ARHGAP32: variants seen among roughly 807,000 people sequenced by gnomAD.
ARHGAP32 encodes Rho GTPase activating protein 32, also known as rho GTPase-activating protein 32.
Under a neutral mutation model 186.5 loss-of-function variants are expected in ARHGAP32, and 51 were observed. That is an observed-to-expected ratio of 0.27 (90% CI 0.22 to 0.35). ARHGAP32 has a LOEUF of 0.35. ARHGAP32 is among the 10% of genes least tolerant of loss of function. ARHGAP32 has a pLI of 1.00. For missense variants in ARHGAP32, 2,186 were observed against 2,623.5 expected (o/e 0.83, Z 3.64); for synonymous variants, 950 against 964.3 (o/e 0.99, Z 0.27).
chr11:129,076,414 T>A (rs1941045559), intron 6 of ARHGAP32, among the ~76,000 whole-genome samples: 1 of 152,184 alleles, frequency 6.6e-6, no homozygotes, highest in African/African-American at 2.4e-5. Context: ...TCTCTTGGGG[T>A]CTGGATCAGG....
intron 2 of ARHGAP32, among the ~76,000 whole-genome samples, chr11:129,156,174 G>C (rs1343480398): frequency 6.6e-6 from 1 of 152,198 alleles, no homozygotes; most frequent in East Asian, 1.9e-4. Context: ...CATTTGGGCA[G>C]ACACCGAGCT....
chr11:129,086,714 A>G (rs674773), intron 6 of ARHGAP32, among the ~76,000 whole-genome samples: 118,078 of 151,266 alleles, frequency 0.78, 46,839 homozygotes, highest in African/African-American at 0.92. Context: ...CCAGCTACTC[A>G]GAAGGCTGAG....
intron 1 of ARHGAP32, among the ~76,000 whole-genome samples, chr11:129,173,465 T>A (rs912363621): frequency 8.5e-5 from 13 of 152,138 alleles, no homozygotes; most frequent in African/African-American, 3.1e-4. Context: ...CCTAACTCAT[T>A]TTATGAAGCC....
chr11:128,983,640 T>C (rs180827833), intron 15 of ARHGAP32, among the ~76,000 whole-genome samples: 341 of 149,004 alleles, frequency 2.3e-3, no homozygotes, highest in African/African-American at 8.3e-3. Flanking sequence ...ACTTAAAGTA[T>C]AATAAAAAAA....
At chr11:129,185,414 GACACAGGAAGGGGA>G (rs1179840895) in intron 1 of ARHGAP32, among the ~76,000 whole-genome samples, 1 of 152,140 alleles carries the variant, frequency 6.6e-6, no homozygotes, top group Admixed American at 6.5e-5. Flanking sequence ...AGAACACTTG[GACACAGGAAGGGGA>G]ACATCACACA....
intron 6 of ARHGAP32, among the ~76,000 whole-genome samples, chr11:129,067,752 G>A (rs574541332): frequency 6.9e-4 from 105 of 152,158 alleles, no homozygotes; most frequent in African/African-American, 2.4e-3. Context: ...TGGAGGGTCT[G>A]AAAGAAAAAG....
chr11:129,268,104 C>T (rs759288053), intron 1 of ARHGAP32, among the ~76,000 whole-genome samples: 1 of 152,096 alleles, frequency 6.6e-6, no homozygotes, highest in Non-Finnish European at 1.5e-5. Flanking sequence ...AGCAGATCTG[C>T]AATTTGTATC....
At chr11:129,058,321 T>A (rs1412534465) in intron 10 of ARHGAP32, among the ~76,000 whole-genome samples, 1 of 151,922 alleles carries the variant, frequency 6.6e-6, no homozygotes, top group African/African-American at 2.4e-5. Context: ...ATATATGATA[T>A]CCCCCATCCA....
intron 2 of ARHGAP32, among the ~76,000 whole-genome samples, chr11:129,129,305 G>A (rs11221575): frequency 8.9e-5 from 12 of 135,334 alleles, no homozygotes; most frequent in Non-Finnish European, 1.3e-4. Context: ...GACCCCCTCC[G>A]CCCGGCAGCT....
At chr11:129,258,971 T>C (rs1212253974) in intron 1 of ARHGAP32, among the ~76,000 whole-genome samples, 1 of 152,196 alleles carries the variant, frequency 6.6e-6, no homozygotes, top group African/African-American at 2.4e-5. Flanking sequence ...AGCAATATGA[T>C]GACAGATTTC....
intron 6 of ARHGAP32, among the ~76,000 whole-genome samples, chr11:129,093,087 C>A (rs1371467344): frequency 6.6e-6 from 1 of 151,992 alleles, no homozygotes; most frequent in Non-Finnish European, 1.5e-5. Context: ...CAAAAACATG[C>A]ACATATCCTA....
chr11:128,983,533 T>C (rs112889277), intron 15 of ARHGAP32, among the ~76,000 whole-genome samples: 1 of 148,482 alleles, frequency 6.7e-6, no homozygotes, highest in African/African-American at 2.4e-5. Flanking sequence ...TTAGGAGATA[T>C]ACCTAATGTA....
rs944512644 is a variant in ARHGAP32 at position 129,112,463 on chromosome 11, G to GT, written c.444+10982dup. ...AAAACTAGAAAGTTTTAGTTAGTTT[G>GT]TTTTTTTTTTAAATTAGTTTTCTAT... On this transcript the variant is annotated intron_variant, in intron 5 of 22. Transcript: ENST00000682385. Among the ~76,000 whole-genome samples the GT allele has an allele frequency of 3.2e-4, 47 of 147,434 alleles. No individual in the cohort carries two copies. The East Asian group carries it at 4.2e-3, about 13-fold the overall frequency.
chr11:129,148,662 A>G (rs1943222286), intron 2 of ARHGAP32, among the ~76,000 whole-genome samples: 2 of 152,162 alleles, frequency 1.3e-5, no homozygotes, highest in Admixed American at 1.3e-4. Flanking sequence ...ATACAAACGT[A>G]GGAGCCACTG....
At chr11:129,033,727 T>C (rs796355391) in intron 11 of ARHGAP32, among the ~76,000 whole-genome samples, 5 of 152,342 alleles carry the variant, frequency 3.3e-5, no homozygotes, top group African/African-American at 1.2e-4. Flanking sequence ...TACAGATTTG[T>C]AATTCTCCTG....
At chr11:129,249,402 G>C (rs935160110) in intron 1 of ARHGAP32, among the ~76,000 whole-genome samples, 1 of 152,016 alleles carries the variant, frequency 6.6e-6, no homozygotes, top group African/African-American at 2.4e-5. Context: ...AAAGGATTTC[G>C]CATATCTATA....
chr11:129,138,033 A>T (rs1240934738), intron 2 of ARHGAP32, among the ~76,000 whole-genome samples: 3 of 152,038 alleles, frequency 2.0e-5, no homozygotes, highest in African/African-American at 7.2e-5. Context: ...ACATTTATCA[A>T]ATTTATAGAT....
rs555032067 is a variant in ARHGAP32 at position 129,129,868 on chromosome 11, T to C, written c.226-4974A>G. 5.9e-5 allele frequency among the ~76,000 whole-genome samples: 9 copies of C among 152,354 alleles called. No individual in the cohort carries two copies. The South Asian group carries it at 1.4e-3, about 25-fold the overall frequency. ...TTACTTCTTCACCTTTCTTTTATAA[T>C]TAACAAAAGAGTTGAACATAACTTC... On this transcript the variant is annotated intron_variant, in intron 2 of 22. Coordinates refer to ENST00000682385, the MANE Select transcript of ARHGAP32 (RefSeq NM_001378024.1).
chr11:129,004,483 T>C (rs568681821), intron 11 of ARHGAP32, among the ~76,000 whole-genome samples: 1 of 152,262 alleles, frequency 6.6e-6, no homozygotes, highest in South Asian at 2.1e-4. Flanking sequence ...CTCCAGCTAT[T>C]ATTGTATTGG....
Sources: gnomAD v4.1 joint callset for allele counts (sites outside exome capture counted in the v4.1 genomes callset) on GRCh38, gnomAD v4.1.1 for gene constraint, MANE v1.5 for transcripts, NCBI Gene and HGNC (gene_info 2026-07-23, HGNC 2026-07-21) for gene names.